The following NXPH1 variants were observed in gnomAD, a reference collection of about 807,000 sequenced individuals.
NXPH1 encodes the protein neurexophilin-1.
A neutral mutation model predicts 23.7 loss-of-function variants in NXPH1; 5 were observed. The observed-to-expected ratio is 0.21, with a 90% confidence interval of 0.11 to 0.44. The LOEUF is 0.44. Ranked by LOEUF, NXPH1 falls within the 20% of genes least tolerant of loss-of-function variation. NXPH1 has a pLI of 0.99. For missense variants in NXPH1, 324 were observed against 321.6 expected (o/e 1.01, Z -0.06); for synonymous variants, 144 against 122.2 (o/e 1.18, Z -1.18).
intron 2 of NXPH1, among the ~76,000 whole-genome samples, chr7:8,515,430 C>G (rs974799729): frequency 2.0e-5 from 3 of 152,050 alleles, no homozygotes; most frequent in Non-Finnish European, 4.4e-5. Flanking sequence ...CATTTCACAG[C>G]TAAATTGTGG....
At chr7:8,745,605 T>C (rs559204901) in intron 2 of NXPH1, among the ~76,000 whole-genome samples, 15 of 152,166 alleles carry the variant, frequency 9.9e-5, no homozygotes, top group African/African-American at 3.4e-4. Flanking sequence ...CAGGCTGGAG[T>C]GCAGTGGTGC....
intron 2 of NXPH1, among the ~76,000 whole-genome samples, chr7:8,575,695 T>A (rs546410558): frequency 2.6e-5 from 4 of 152,118 alleles, no homozygotes; most frequent in Non-Finnish European, 5.9e-5. Flanking sequence ...TTCCTGTTTT[T>A]CTGTGAAGCA....
chr7:8,592,295 G>A (rs998680721), intron 2 of NXPH1, among the ~76,000 whole-genome samples: 14 of 152,056 alleles, frequency 9.2e-5, no homozygotes, highest in Non-Finnish European at 8.8e-5. Flanking sequence ...CTGTTCAAAT[G>A]TCACGCAATA....
At chr7:8,445,132 G>C (rs751672000) in intron 2 of NXPH1, among the ~76,000 whole-genome samples, 2 of 152,252 alleles carry the variant, frequency 1.3e-5, no homozygotes, top group Non-Finnish European at 2.9e-5. Flanking sequence ...GTAGCATGCT[G>C]AGAAAGGAAA....
In NXPH1 at chr7:8,750,740, T is replaced by C. The variant is rs115284362; in HGVS notation, c.55-268T>C. The stretch of plus-strand genomic sequence containing the variant: ...TTCCACCCACATCTCCCTTCTTCCA[T>C]TGTTATACAAAAATATAAGTGGTGT... On this transcript the variant is annotated intron_variant, in intron 2 of 2. Coordinates refer to ENST00000405863, the MANE Select transcript of NXPH1 (RefSeq NM_152745.3). Among the ~76,000 whole-genome samples, 1,200 of 152,280 alleles carry C rather than the reference T, an allele frequency of 7.9e-3. 20 individuals are homozygous for C. Among genetic ancestry groups the C allele is most frequent in the African/African-American group, 0.027 (1,104 of 41,554 alleles).
chr7:8,626,467 G>C (rs544173673), intron 2 of NXPH1, among the ~76,000 whole-genome samples: 1 of 149,842 alleles, frequency 6.7e-6, no homozygotes, highest in African/African-American at 2.5e-5. Context: ...CACCCACCTT[G>C]GATTCCATTA....
chr7:8,448,998 A>G (rs562203152), intron 2 of NXPH1, among the ~76,000 whole-genome samples: 19 of 152,220 alleles, frequency 1.2e-4, no homozygotes, highest in Non-Finnish European at 2.6e-4. Flanking sequence ...TGTGATTTTA[A>G]ATATTAATTT....
At chr7:8,530,317 C>A (rs954808513) in intron 2 of NXPH1, among the ~76,000 whole-genome samples, 1 of 152,070 alleles carries the variant, frequency 6.6e-6, no homozygotes, top group Non-Finnish European at 1.5e-5. Context: ...AATATTGAGA[C>A]CTAAAAAGCA....
chr7:8,468,923 T>A (rs1334202750), intron 2 of NXPH1, among the ~76,000 whole-genome samples: 1 of 152,026 alleles, frequency 6.6e-6, no homozygotes, highest in Non-Finnish European at 1.5e-5. Context: ...TATAAGGCAA[T>A]TTTTAAGAGT....
intron 2 of NXPH1, among the ~76,000 whole-genome samples, chr7:8,741,676 T>C (rs946366007): frequency 6.6e-6 from 1 of 152,122 alleles, no homozygotes; most frequent in African/African-American, 2.4e-5. Context: ...AACACTACTT[T>C]CCTCTGGCTT....
intron 2 of NXPH1, among the ~76,000 whole-genome samples, chr7:8,514,051 C>T (rs1319956271): frequency 6.6e-6 from 1 of 152,044 alleles, no homozygotes; most frequent in African/African-American, 2.4e-5. Context: ...CCAATTGTTC[C>T]TTTTTATAAA....
At chr7:8,651,132 C>A (rs1820485861) in intron 2 of NXPH1, among the ~76,000 whole-genome samples, 1 of 150,030 alleles carries the variant, frequency 6.7e-6, no homozygotes, top group African/African-American at 2.5e-5. Flanking sequence ...CTCCCCCCAC[C>A]CCACAACAGT....
chr7:8,691,923 T>G (rs550792000), intron 2 of NXPH1, among the ~76,000 whole-genome samples: 1 of 152,136 alleles, frequency 6.6e-6, no homozygotes, highest in Non-Finnish European at 1.5e-5. Context: ...TTAGGGAAAG[T>G]CTTTTGAAGG....
At chr7:8,506,107 A>G (rs1424690639) in intron 2 of NXPH1, among the ~76,000 whole-genome samples, 1 of 151,702 alleles carries the variant, frequency 6.6e-6, no homozygotes, top group African/African-American at 2.4e-5. Context: ...AGAGATTTTT[A>G]AAAACAATTT....
Position 8,722,741 on chromosome 7 carries a change from G to T in NXPH1, c.55-28267G>T, listed in dbSNP as rs534846252. ...TCTCAATAAAGGAAAACCTTGGAAT[G>T]CAAGAGGAGTGGGCTGGATGGTAAC... is the stretch of plus-strand genomic sequence containing the variant. On this transcript the variant is annotated intron_variant, in intron 2 of 2. Coordinates refer to ENST00000405863, the MANE Select transcript of NXPH1 (RefSeq NM_152745.3). 8.5e-5 allele frequency among the ~76,000 whole-genome samples: 13 copies of T among 152,308 alleles called. No individual in the cohort carries two copies. The South Asian group carries it at 2.7e-3, about 32-fold the overall frequency.
At chr7:8,521,702 C>A (rs190348383) in intron 2 of NXPH1, among the ~76,000 whole-genome samples, 1 of 152,242 alleles carries the variant, frequency 6.6e-6, no homozygotes, top group African/African-American at 2.4e-5. Flanking sequence ...ATAGTCTGGC[C>A]TATTTTGACT....
chr7:8,489,836 A>C lies in NXPH1; in HGVS notation c.54+54069A>C, dbSNP rs575781375. On this transcript the variant is annotated intron_variant, in intron 2 of 2. Coordinates refer to ENST00000405863, the MANE Select transcript of NXPH1 (RefSeq NM_152745.3). ...CTGCTCTCAGTTAAGGGACCAATTT[A>C]ATGGATGTATCAGGAGAATTTCTCT... Among the ~76,000 whole-genome samples the C allele has an allele frequency of 1.4e-4, 21 of 152,224 alleles. No individual in the cohort carries two copies. In the South Asian group the frequency reaches 4.3e-3, roughly 32 times the overall value.
chr7:8,731,594 T>C (rs541456512), intron 2 of NXPH1, among the ~76,000 whole-genome samples: 1 of 151,854 alleles, frequency 6.6e-6, no homozygotes, highest in East Asian at 1.9e-4. Context: ...GTTGGAGTAC[T>C]CGGCTGTGTG....
At position 8,649,027 on chromosome 7, in the gene NXPH1, C is replaced by CT. The variant is rs1395684643; in HGVS notation, c.55-101975dup. 1.1e-4 allele frequency among the ~76,000 whole-genome samples: 8 copies of CT among 71,078 alleles called. No homozygotes were observed. In the Admixed American group the frequency reaches 1.4e-3, roughly 12 times the overall value. 46.6% of individuals were successfully genotyped at this position (71,078 alleles called of 152,430 possible). Reference sequence around the variant, plus strand: ...AAGATTGCTATTTTACTCTCCATTACTTTTTTAGTTTTTTTTGTATTTACA... The same window carrying CT: ...AAGATTGCTATTTTACTCTCCATTACTTTTTTTAGTTTTTTTTGTATTTACA... On this transcript the variant is annotated intron_variant, in intron 2 of 2. Transcript: ENST00000405863.
Sources: gnomAD v4.1 joint callset for allele counts (sites outside exome capture counted in the v4.1 genomes callset) on GRCh38, gnomAD v4.1.1 for gene constraint, MANE v1.5 for transcripts, NCBI Gene and HGNC (gene_info 2026-07-23, HGNC 2026-07-21) for gene names.